Variants in C3 observed in about 807,000 individuals in gnomAD.
C3 encodes complement C3, also known as C3 and PZP-like alpha-2-macroglobulin domain-containing protein 1.
C3 carries 97 observed loss-of-function variants against 207.9 expected under a neutral mutation model. The ratio of observed to expected loss-of-function variants is 0.47; its 90% CI spans 0.40 to 0.55. The LOEUF is 0.55. C3 is among the 20% of genes least tolerant of loss of function. C3 has a pLI of 0.00. For missense variants in C3, 1,684 were observed against 2,171.7 expected (o/e 0.78, Z 4.46); for synonymous variants, 848 against 857.6 (o/e 0.99, Z 0.20).
chr19:6,711,140 C>A lies in C3; in HGVS notation c.1326G>T (p.Gln442His), dbSNP rs1211900914. Reference sequence around the variant, plus strand: ...TGCCCACGGTGCTGTAGGGCAGAGCCTGCATGGTCCTGGTAGCCTGCTCTG... The same window carrying A: ...TGCCCACGGTGCTGTAGGGCAGAGCATGCATGGTCCTGGTAGCCTGCTCTG... ...SEAEQATRTM[Q>H]ALPYSTVGNS... The change falls in exon 12 of 41, where the codon CAG becomes CAT. Residue 442 changes from glutamine to histidine, a missense_variant. Transcript: ENST00000245907. The A allele has an allele frequency of 6.2e-7, 1 of 1,614,058 alleles. No homozygotes were observed. Among genetic ancestry groups the A allele is most frequent in the Non-Finnish European group, 8.5e-7 (1 of 1,180,012 alleles).
At chr19:6,697,591 G>A (rs1212026351) in intron 20 of C3, 35 bp from the exon 21 acceptor site, 2 of 1,613,782 alleles carry the variant, frequency 1.2e-6, no homozygotes, top group Non-Finnish European at 1.7e-6. Context: ...GCAAGTGTGT[G>A]TGCAACAGGC....
At chr19:6,689,320 T>TCTCTCTACCTACCTAC (rs1555684196) in intron 27 of C3, among the ~76,000 whole-genome samples, 17 of 72,344 alleles carry the variant, frequency 2.3e-4, no homozygotes, top group Admixed American at 6.7e-4. Context: ...TCTCTCTCTC[T>TCTCTCTACCTACCTAC]CTACCTACCT....
intron 27 of C3, among the ~76,000 whole-genome samples, chr19:6,687,593 A>G (rs573127010): frequency 6.6e-6 from 1 of 152,288 alleles, no homozygotes; most frequent in South Asian, 2.1e-4. Flanking sequence ...CATGATGTAA[A>G]TACTTCCATC....
At chr19:6,715,878 AC>A (rs1260581469) in intron 4 of C3, among the ~76,000 whole-genome samples, 1 of 151,578 alleles carries the variant, frequency 6.6e-6, no homozygotes, top group Non-Finnish European at 1.5e-5. Context: ...GCCCGCCTCC[AC>A]CTCCCAAAGT....
intron 19 of C3, among the ~76,000 whole-genome samples, chr19:6,700,673 GTAATATATAATATATGATATA>G (rs1967652940): frequency 3.1e-5 from 1 of 32,178 alleles, no homozygotes; most frequent in Non-Finnish European, 5.3e-5. Context: ...TATTATATAT[GTAATATATAATATATGATATA>G]TTATATATGT....
At chr19:6,707,701 G>T in intron 15 of C3, 99 bp downstream of exon 15, 1 of 1,572,236 alleles carries the variant, frequency 6.4e-7, no homozygotes, top group Non-Finnish European at 8.7e-7. Flanking sequence ...GTGGAGGCGG[G>T]GCTTGAACCC....
chr19:6,693,214 A>C (rs1918210178), intron 25 of C3, 131 bp from the exon 26 acceptor site: 3 of 1,204,282 alleles, frequency 2.5e-6, no homozygotes, highest in Admixed American at 1.8e-5. Flanking sequence ...AGGCCCCAGG[A>C]CCCAGCTGTT....
chr19:6,696,458 C>T lies in C3; in HGVS notation c.2871G>A (p.Val957=). The change falls in exon 23 of 41, where the codon GTG becomes GTA. Residue 957 remains valine, a synonymous_variant. Transcript: ENST00000245907. Reference sequence around the variant, plus strand: ...CTGCAGGTGGGATGTCCTCTTTCTGCACTCCTTCTGCAGGGTGAGTGAGAG... The same window carrying T: ...CTGCAGGTGGGATGTCCTCTTTCTGTACTCCTTCTGCAGGGTGAGTGAGAG... ...LDPERLGREG[V]QKEDIPPADL... The T allele has an allele frequency of 6.2e-7, 1 of 1,613,286 alleles. No individual in the cohort carries two copies. The highest frequency in any genetic ancestry group is 1.7e-5 in the Admixed American group (1 of 59,990).
In C3 at chr19:6,697,811, A is replaced by G; in HGVS notation, c.2441-17T>C. The G allele has an allele frequency of 1.2e-6, 2 of 1,610,364 alleles. No individual in the cohort carries two copies. The highest frequency in any genetic ancestry group is 1.7e-6 in the Non-Finnish European group (2 of 1,178,918). On this transcript the variant is annotated splice_polypyrimidine_tract_variant and intron_variant, in intron 19 of 40. Transcript: ENST00000245907. ...CACAGATCCCTGCTCGGGCAGAGAC[A>G]GAACACGGAGTGTCAAGGTCGGGGA...
intron 11 of C3, 106 bp downstream of exon 11, chr19:6,712,151 C>A (rs1317244404): frequency 2.8e-6 from 4 of 1,425,148 alleles, no homozygotes; most frequent in South Asian, 1.2e-5. Flanking sequence ...CCTCTCTATG[C>A]AGATGAGAAT....
At position 6,696,359 on chromosome 19, in the gene C3, C is replaced by G; in HGVS notation, c.2950+20G>C. On this transcript the variant is annotated intron_variant, in intron 23 of 40. Transcript: ENST00000245907. ...CATGCCCTCCTGGGACCCATGGGGT[C>G]GGGGTCAAGGGTGTCTCACCTTGCA... 1 of 1,564,854 alleles carries G rather than the reference C, an allele frequency of 6.4e-7. No individual in the cohort carries two copies. The highest frequency in any genetic ancestry group is 8.8e-7 in the Non-Finnish European group (1 of 1,141,500).
chr19:6,704,667 G>A (rs1027088246), intron 17 of C3, among the ~76,000 whole-genome samples: 2 of 151,972 alleles, frequency 1.3e-5, no homozygotes, highest in Non-Finnish European at 2.9e-5. Flanking sequence ...GCTGAGGCAG[G>A]AGAATCACTT....
chr19:6,690,346 T>A (rs1179984896), intron 27 of C3, among the ~76,000 whole-genome samples: 1 of 152,232 alleles, frequency 6.6e-6, no homozygotes, highest in African/African-American at 2.4e-5. Context: ...TTGATCTCTT[T>A]GTGCCTCAGT....
Position 6,714,233 on chromosome 19 carries a change from C to A in C3, c.615G>T (p.Lys205Asn), listed in dbSNP as rs762738195. The A allele has an allele frequency of 2.6e-5, 42 of 1,613,796 alleles. No individual in the cohort carries two copies. The highest frequency in any genetic ancestry group is 3.3e-5 in the Non-Finnish European group (39 of 1,180,002). ...IPELVNMGQW[K>N]IRAYYENSPQ... ...GTGAGTTTTCATAGTAGGCTCGGAT[C>A]TTCCACTGGCCCATGCTGTGAGGAG... The change falls in exon 6 of 41, where the codon AAG becomes AAT. Residue 205 changes from lysine to asparagine, a missense_variant. Physicochemically the swap from Lys to Asn is moderately conservative, Grantham distance 94. Coordinates refer to ENST00000245907, the MANE Select transcript of C3 (RefSeq NM_000064.4).
In C3 at chr19:6,714,379, A is replaced by G; in HGVS notation, c.572T>C (p.Leu191Ser). Residue 191 changes from leucine to serine, a missense_variant, in exon 5 of 41, where the codon TTG becomes TCG. Coordinates refer to ENST00000245907, the MANE Select transcript of C3 (RefSeq NM_000064.4). ...SSQNQLGVLP[L>S]SWDIPELVNM... ...GACGAGTTCCGGAATGTCCCAAGACAAGGGCAAGACGCCAAGCTGGTTCTG... is the reference window on the plus strand; with the variant it reads ...GACGAGTTCCGGAATGTCCCAAGACGAGGGCAAGACGCCAAGCTGGTTCTG... The G allele has an allele frequency of 6.2e-7, 1 of 1,613,840 alleles. No homozygotes were observed. Among genetic ancestry groups the G allele is most frequent in the Non-Finnish European group, 8.5e-7 (1 of 1,179,986 alleles).
chr19:6,695,980 C>T (rs188572403), intron 23 of C3, among the ~76,000 whole-genome samples: 1,636 of 151,784 alleles, frequency 0.011, 29 homozygotes, highest in African/African-American at 0.037. Flanking sequence ...GAGGCTGAGG[C>T]GGGTGGATCA....
rs752454018 is a variant in C3 at position 6,694,618 on chromosome 19, C to G, written c.2967G>C (p.Gln989His). Residue 989 changes from glutamine (Q) to histidine (H), a missense_variant, in exon 24 of 41, where the codon CAG (glutamine) becomes CAC (histidine). Physicochemically the swap from Gln to His is conservative, Grantham distance 24. Transcript: ENST00000245907. ...CCGCGTCGACGGCATCCTCTGTCAT[C>G]TGGGCCACTGGGGTCCCTGCAGCAG... ...RILLQGTPVAQMTEDAVDAER... is the reference protein window; with the variant it reads ...RILLQGTPVAHMTEDAVDAER... 6.2e-7 allele frequency: 1 copy of G among 1,612,636 alleles called. No individual in the cohort carries two copies. The highest frequency in any genetic ancestry group is 2.2e-5 in the East Asian group (1 of 44,884).
At chr19:6,715,628 G>GGT (rs1968016160) in intron 4 of C3, among the ~76,000 whole-genome samples, 6 of 143,380 alleles carry the variant, frequency 4.2e-5, no homozygotes, top group Non-Finnish European at 9.1e-5. Context: ...TGTTTTTTTT[G>GGT]TTTTTTTTTT....
rs367654112 is a variant in C3 at position 6,690,643 on chromosome 19, C to T, written c.3475G>A (p.Glu1159Lys). ...AGGGCACTTACGTTGACCTGCTCCTCGCAAATATCTTTAGCCTCCTGCAGC... is the reference window on the plus strand; with the variant it reads ...AGGGCACTTACGTTGACCTGCTCCTTGCAAATATCTTTAGCCTCCTGCAGC... ...ISLQEAKDIC[E>K]EQVNSLPGSI... Residue 1159 changes from glutamate to lysine, a missense_variant, in exon 27 of 41, where the codon GAG becomes AAG. Coordinates refer to ENST00000245907, the MANE Select transcript of C3 (RefSeq NM_000064.4). 3.7e-6 allele frequency: 6 copies of T among 1,613,960 alleles called. No homozygotes were observed. Among genetic ancestry groups the T allele is most frequent in the East Asian group, 4.5e-5 (2 of 44,904 alleles).
Sources: allele counts gnomAD v4.1 joint callset (sites outside exome capture counted in the v4.1 genomes callset), GRCh38; gene constraint gnomAD v4.1.1; transcripts MANE v1.5; gene names NCBI Gene and HGNC (gene_info 2026-07-23, HGNC 2026-07-21).